Variants in MYO1D observed in about 807,000 individuals in gnomAD.
MYO1D encodes the protein unconventional myosin-Id.
MYO1D carries 83 observed loss-of-function variants against 122.0 expected under a neutral mutation model. That is an observed-to-expected ratio of 0.68 (90% CI 0.57 to 0.82). The LOEUF is 0.82. Ranked by LOEUF, MYO1D falls within the 40% of genes least tolerant of loss-of-function variation. MYO1D has a pLI of 0.00. For missense variants in MYO1D, 1,157 were observed against 1,269.5 expected (o/e 0.91, Z 1.35); for synonymous variants, 464 against 446.9 (o/e 1.04, Z -0.48).
chr17:32,699,147 T>C (rs1294332686), intron 16 of MYO1D, among the ~76,000 whole-genome samples: 1 of 151,972 alleles, frequency 6.6e-6, no homozygotes, highest in Non-Finnish European at 1.5e-5. Context: ...GTATTTTTAG[T>C]AGAGATGGGG....
chr17:32,496,722 TC>T (rs374479776), intron 21 of MYO1D, among the ~76,000 whole-genome samples: 78 of 152,134 alleles, frequency 5.1e-4, no homozygotes, highest in African/African-American at 1.9e-3. Context: ...GGAGCCTCCC[TC>T]CTGACCCTGG....
At chr17:32,812,525 C>T (rs1187914558) in intron 1 of MYO1D, among the ~76,000 whole-genome samples, 1 of 152,122 alleles carries the variant, frequency 6.6e-6, no homozygotes, top group African/African-American at 2.4e-5. Flanking sequence ...GCTCTTAACT[C>T]TTTATGTTGT....
At chr17:32,789,403 C>G (rs1318962022) in intron 1 of MYO1D, among the ~76,000 whole-genome samples, 1 of 152,126 alleles carries the variant, frequency 6.6e-6, no homozygotes, top group African/African-American at 2.4e-5. Flanking sequence ...GGCTGTGAGT[C>G]TGTCACAGAT....
intron 16 of MYO1D, among the ~76,000 whole-genome samples, chr17:32,675,733 T>TGG (rs1173093842): frequency 5.3e-5 from 8 of 152,184 alleles, no homozygotes; most frequent in Admixed American, 5.2e-4. Flanking sequence ...AAGTGAACCA[T>TGG]CCTTTTGTCA....
At chr17:32,719,412 T>G (rs1012497471) in intron 15 of MYO1D, among the ~76,000 whole-genome samples, 1 of 149,882 alleles carries the variant, frequency 6.7e-6, no homozygotes, top group African/African-American at 2.4e-5. Context: ...TGCAGTGGCA[T>G]GATCTTGGCT....
intron 10 of MYO1D, chr17:32,759,741 C>G (rs1389037865): frequency 5.1e-6 from 1 of 197,740 alleles, no homozygotes; most frequent in African/African-American, 2.3e-5. Context: ...TAGTTTGCCT[C>G]TGACAAATAC....
intron 21 of MYO1D, among the ~76,000 whole-genome samples, chr17:32,604,296 G>C (rs2087599622): frequency 6.6e-6 from 1 of 152,178 alleles, no homozygotes; most frequent in African/African-American, 2.4e-5. Flanking sequence ...CTTAGTCACT[G>C]ATTTTGATGA....
At chr17:32,635,425 G>A (rs2088083803) in intron 20 of MYO1D, among the ~76,000 whole-genome samples, 1 of 152,114 alleles carries the variant, frequency 6.6e-6, no homozygotes, top group South Asian at 2.1e-4. Context: ...ATGGGGCCAG[G>A]CGTGGTGGCT....
intron 19 of MYO1D, among the ~76,000 whole-genome samples, chr17:32,648,485 T>C (rs1186489971): frequency 6.6e-6 from 1 of 152,146 alleles, no homozygotes; most frequent in Non-Finnish European, 1.5e-5. Context: ...AACTGGTGAC[T>C]AGGAGCTCCT....
intron 16 of MYO1D, among the ~76,000 whole-genome samples, chr17:32,673,650 A>G (rs887142487): frequency 5.3e-5 from 8 of 152,216 alleles, no homozygotes; most frequent in African/African-American, 1.9e-4. Flanking sequence ...ATTCCCAGCT[A>G]CTTGAGAGGC....
chr17:32,852,037 G>T (rs914976406), intron 1 of MYO1D, among the ~76,000 whole-genome samples: 5 of 152,144 alleles, frequency 3.3e-5, no homozygotes, highest in African/African-American at 1.2e-4. Context: ...TTCTTTTATT[G>T]ACTCTTCTTC....
At chr17:32,847,009 A>G (rs1338198269) in intron 1 of MYO1D, among the ~76,000 whole-genome samples, 1 of 152,184 alleles carries the variant, frequency 6.6e-6, no homozygotes, top group African/African-American at 2.4e-5. Flanking sequence ...AAATAAGTAA[A>G]TAAGACAGAA....
Position 32,563,551 on chromosome 17 carries a change from T to C in MYO1D, c.2864+41536A>G, listed in dbSNP as rs984953416. Among the ~76,000 whole-genome samples the C allele has an allele frequency of 1.2e-4, 18 of 152,312 alleles. No individual in the cohort carries two copies. In the East Asian group the frequency reaches 2.5e-3, roughly 21 times the overall value. Reference sequence around the variant, plus strand: ...GGTGATTTCTAAATATATAAATGCATTGATGGAGGATGAGATTGATCTGTG... The same window carrying C: ...GGTGATTTCTAAATATATAAATGCACTGATGGAGGATGAGATTGATCTGTG... On this transcript the variant is annotated intron_variant, in intron 21 of 21. Transcript: ENST00000318217.
rs138467049 is a variant in MYO1D at position 32,690,018 on chromosome 17, G to A, written c.2121+21970C>T. ...TGGGATTATAGGCATAAGCTACTGC[G>A]CCTGGCCCATAGTTTTCTATTGTAT... On this transcript the variant is annotated intron_variant, in intron 16 of 21. Transcript: ENST00000318217. Among the ~76,000 whole-genome samples, 266 of 152,154 alleles carry A rather than the reference G, an allele frequency of 1.7e-3. 1 individual carries two copies. Among genetic ancestry groups the A allele is most frequent in the African/African-American group, 5.9e-3 (246 of 41,520 alleles).
At chr17:32,542,854 T>G (rs746193272) in intron 21 of MYO1D, among the ~76,000 whole-genome samples, 1 of 151,966 alleles carries the variant, frequency 6.6e-6, no homozygotes, top group African/African-American at 2.4e-5. Context: ...GTGGGACACT[T>G]TGGGGAGCAT....
intron 13 of MYO1D, among the ~76,000 whole-genome samples, chr17:32,739,583 T>TATAC (rs2089750346): frequency 6.6e-6 from 1 of 151,524 alleles, no homozygotes; most frequent in African/African-American, 2.4e-5. Flanking sequence ...ATGGCGCATG[T>TATAC]ATACATATGT....
chr17:32,732,408 CCAGACTCAGG>C (rs1433359322), intron 14 of MYO1D, among the ~76,000 whole-genome samples: 1 of 152,220 alleles, frequency 6.6e-6, no homozygotes, highest in East Asian at 1.9e-4. Context: ...CCAGACTCAG[CCAGACTCAGG>C]CAGACAATGG....
chr17:32,873,086 AAAG>A (rs929364654), intron 1 of MYO1D, among the ~76,000 whole-genome samples: 1 of 152,246 alleles, frequency 6.6e-6, no homozygotes, highest in African/African-American at 2.4e-5. Context: ...CAAGAGGGAA[AAAG>A]AAGGCCAGAT....
At chr17:32,543,267 T>C (rs1360011483) in intron 21 of MYO1D, among the ~76,000 whole-genome samples, 1 of 149,430 alleles carries the variant, frequency 6.7e-6, no homozygotes, top group Non-Finnish European at 1.5e-5. Context: ...ATCTGATTAT[T>C]TGGTGAGTCA....
Sources: allele counts gnomAD v4.1 joint callset (sites outside exome capture counted in the v4.1 genomes callset), GRCh38; gene constraint gnomAD v4.1.1; transcripts MANE v1.5; gene names NCBI Gene and HGNC (gene_info 2026-07-23, HGNC 2026-07-21).